Variants in RCAN2 observed in about 807,000 individuals in gnomAD.
RCAN2 encodes calcipressin-2.
Under a neutral mutation model 23.6 loss-of-function variants are expected in RCAN2, and 9 were observed. The observed-to-expected ratio is 0.38, with a 90% CI of 0.23 to 0.67. RCAN2 has a LOEUF of 0.67. RCAN2 is among the 30% of genes least tolerant of loss of function. RCAN2 has a pLI of 0.51. For missense variants in RCAN2, 273 were observed against 302.3 expected, an observed-to-expected ratio of 0.90 and a Z score of 0.72; for synonymous variants, 109 against 115.7, an observed-to-expected ratio of 0.94 and a Z score of 0.37.
At chr6:46,450,526 A>T (rs1028455032) in intron 2 of RCAN2, among the ~76,000 whole-genome samples, 1 of 152,148 alleles carries the variant, frequency 6.6e-6, no homozygotes, top group Non-Finnish European at 1.5e-5. Context: ...TATAATTGCC[A>T]AGATATGGAC....
chr6:46,381,496 C>A (rs1765616117), intron 2 of RCAN2, among the ~76,000 whole-genome samples: 1 of 152,152 alleles, frequency 6.6e-6, no homozygotes, highest in South Asian at 2.1e-4. Context: ...CTTTTACAAG[C>A]CCAGGTAGGG....
chr6:46,312,155 T>C (rs1480272980), intron 2 of RCAN2, among the ~76,000 whole-genome samples: 2 of 152,308 alleles, frequency 1.3e-5, no homozygotes, highest in East Asian at 1.9e-4. Context: ...TTACATGCCA[T>C]GCTAAGGCAA....
chr6:46,405,647 G>T (rs1463714499), intron 2 of RCAN2, among the ~76,000 whole-genome samples: 1 of 152,180 alleles, frequency 6.6e-6, no homozygotes. Context: ...TACAATCCCT[G>T]AGCTAGACAT....
At chr6:46,260,774 A>G (rs1329964575) in intron 2 of RCAN2, among the ~76,000 whole-genome samples, 2 of 152,272 alleles carry the variant, frequency 1.3e-5, no homozygotes, top group Admixed American at 6.5e-5. Context: ...AAGTCTCCCA[A>G]TGGGTCTATG....
intron 2 of RCAN2, among the ~76,000 whole-genome samples, chr6:46,342,276 T>C (rs1245609890): frequency 6.6e-6 from 1 of 152,132 alleles, no homozygotes; most frequent in Non-Finnish European, 1.5e-5. Context: ...TAAAGAATAG[T>C]TATTGTGCAT....
At chr6:46,342,040 A>G (rs1292229063) in intron 2 of RCAN2, among the ~76,000 whole-genome samples, 2 of 152,006 alleles carry the variant, frequency 1.3e-5, no homozygotes, top group African/African-American at 4.8e-5. Context: ...TATGGAGGGC[A>G]CCTTTGGAAA....
intron 2 of RCAN2, among the ~76,000 whole-genome samples, chr6:46,316,119 G>GC (rs1303521824): frequency 1.3e-5 from 2 of 152,164 alleles, no homozygotes; most frequent in Non-Finnish European, 2.9e-5. Context: ...GTTGAAAACT[G>GC]CAGGGGAAGA....
At chr6:46,374,515 C>A (rs895410839) in intron 2 of RCAN2, among the ~76,000 whole-genome samples, 2 of 152,008 alleles carry the variant, frequency 1.3e-5, no homozygotes, top group Non-Finnish European at 2.9e-5. Context: ...ATATTTTTTG[C>A]ACAAATGAAT....
At chr6:46,456,352 G>A (rs889378049) in intron 2 of RCAN2, among the ~76,000 whole-genome samples, 1 of 152,182 alleles carries the variant, frequency 6.6e-6, no homozygotes, top group South Asian at 2.1e-4. Flanking sequence ...CTGCGGGAAG[G>A]CTGGAGGTAA....
intron 2 of RCAN2, among the ~76,000 whole-genome samples, chr6:46,324,645 A>T (rs149872177): frequency 1.1e-3 from 171 of 152,346 alleles, no homozygotes; most frequent in African/African-American, 3.8e-3. Context: ...CAAGCCTGGC[A>T]TCTTCTCCAT....
At chr6:46,344,133 G>T (rs1764413509) in intron 2 of RCAN2, among the ~76,000 whole-genome samples, 1 of 152,166 alleles carries the variant, frequency 6.6e-6, no homozygotes, top group South Asian at 2.1e-4. Flanking sequence ...TGTGATGATG[G>T]TTGTATAATT....
At chr6:46,486,990 T>G (rs1415606214) in intron 1 of RCAN2, among the ~76,000 whole-genome samples, 1 of 152,308 alleles carries the variant, frequency 6.6e-6, no homozygotes, top group Middle Eastern at 3.4e-3. Context: ...ATATGACACC[T>G]AGAGTTGGTA....
chr6:46,272,194 C>A (rs918823022), intron 2 of RCAN2, among the ~76,000 whole-genome samples: 26 of 152,126 alleles, frequency 1.7e-4, no homozygotes, highest in African/African-American at 6.0e-4. Flanking sequence ...TACAAAATAG[C>A]CAATATTGCT....
intron 2 of RCAN2, among the ~76,000 whole-genome samples, chr6:46,330,203 G>A (rs1049871321): frequency 6.6e-6 from 1 of 152,142 alleles, no homozygotes; most frequent in Admixed American, 6.5e-5. Context: ...CTCAGAGTGT[G>A]GTCCCCAGAC....
At chr6:46,356,955 C>T (rs1764850810) in intron 2 of RCAN2, among the ~76,000 whole-genome samples, 1 of 152,178 alleles carries the variant, frequency 6.6e-6, no homozygotes, top group African/African-American at 2.4e-5. Context: ...CTGGTCTTCC[C>T]AATATTTACT....
intron 2 of RCAN2, among the ~76,000 whole-genome samples, chr6:46,384,045 A>C (rs6920855): frequency 0.023 from 3,576 of 152,238 alleles, 121 homozygotes; most frequent in African/African-American, 0.079. Context: ...CCCAGCCAGG[A>C]GGGATCCCGC....
Position 46,246,890 on chromosome 6 carries a change from T to C in RCAN2, c.429A>G (p.Lys143=), listed in dbSNP as rs747727355. 1 of 1,596,520 alleles carries C rather than the reference T, an allele frequency of 6.3e-7. No homozygotes were observed. Among genetic ancestry groups the C allele is most frequent in the East Asian group, 2.2e-5 (1 of 44,466 alleles). ...QVQTPETDGD[K]LHLAPPQPAK... is the part of the protein sequence containing the mutation. ...CAGGCTGGGGTGGAGCCAAGTGCAGTTTGTCTCCATCTGTCTCTGGAGTCT... is the reference window on the plus strand; with the variant it reads ...CAGGCTGGGGTGGAGCCAAGTGCAGCTTGTCTCCATCTGTCTCTGGAGTCT... The change falls in exon 4 of 5, where the codon AAA becomes AAG. Residue 143 remains lysine, a synonymous_variant. Coordinates refer to ENST00000371374, the MANE Select transcript of RCAN2 (RefSeq NM_001251974.2).
intron 2 of RCAN2, among the ~76,000 whole-genome samples, chr6:46,275,307 A>G (rs973562232): frequency 1.1e-4 from 16 of 152,198 alleles, no homozygotes; most frequent in Admixed American, 9.8e-4. Context: ...AGGGTTTTAC[A>G]GTAGATATTA....
Position 46,468,837 on chromosome 6 carries a change from A to G in RCAN2, c.-2-11859T>C, listed in dbSNP as rs1252831243. 8.7e-5 allele frequency: 86 copies of G among 985,276 alleles called. No homozygotes were observed. The Middle Eastern group carries it at 2.6e-3, about 30-fold the overall frequency. 61.0% of individuals were successfully genotyped at this position (985,276 alleles called of 1,614,324 possible). A position where few individuals can be genotyped will look rare whatever the true frequency, so the allele number is the denominator to read the frequency against. On this transcript the variant is annotated intron_variant, in intron 1 of 4. Transcript: ENST00000371374. Reference sequence around the variant, plus strand: ...CTTTCTCAACTTGAGTGACTTCCTGAGTCTCACAGATTCTCATTGTCTCCA... The same window carrying G: ...CTTTCTCAACTTGAGTGACTTCCTGGGTCTCACAGATTCTCATTGTCTCCA...
Sources: allele counts gnomAD v4.1 joint callset (sites outside exome capture counted in the v4.1 genomes callset), GRCh38; gene constraint gnomAD v4.1.1; transcripts MANE v1.5; gene names NCBI Gene and HGNC (gene_info 2026-07-23, HGNC 2026-07-21).